APOB: variants seen among roughly 807,000 people sequenced by gnomAD.
APOB encodes apolipoprotein B, also known as apolipoprotein B-100.
APOB carries 153 observed loss-of-function variants against 314.1 expected under a neutral mutation model. The ratio of observed to expected loss-of-function variants is 0.49; its 90% CI spans 0.43 to 0.56. The LOEUF is 0.56. Among genes scored for constraint, APOB ranks in the 20% least tolerant of loss-of-function variants. The pLI is 0.00. For synonymous variants in APOB, 2,087 were observed against 2,036.4 expected (o/e 1.02, Z -0.67); for missense variants, 5,430 against 5,350.7 (o/e 1.01, Z -0.46).
rs774503429 is a variant in APOB at position 21,005,063 on chromosome 2, G to A, written c.11788+17C>T. 3.1e-6 allele frequency: 5 copies of A among 1,612,640 alleles called. No homozygotes were observed. In the Admixed American group the frequency reaches 8.3e-5, roughly 27 times the overall value. ...AAAATATACAGTATCTAGGAGAGGA[G>A]GCAGGATATTTCTTACCATTTAGTT... On this transcript the variant is annotated intron_variant, in intron 26 of 28. Coordinates refer to ENST00000233242, the MANE Select transcript of APOB (RefSeq NM_000384.3).
chr2:21,010,060 T>C lies in APOB; in HGVS notation c.6808A>G (p.Lys2270Glu), dbSNP rs1663264050. 1.1e-5 allele frequency: 17 copies of C among 1,613,604 alleles called. No individual in the cohort carries two copies. Among genetic ancestry groups the C allele is most frequent in the Non-Finnish European group, 1.4e-5 (17 of 1,179,898 alleles). Residue 2270 changes from lysine (K) to glutamate (E), a missense_variant, in exon 26 of 29, where the codon AAG (lysine) becomes GAG (glutamate). This residue lies in a region of APOB where 3,281 missense variants were observed against 3,171.0 expected (regional missense o/e 1.03). Coordinates refer to ENST00000233242, the MANE Select transcript of APOB (RefSeq NM_000384.3). Reference sequence around the variant, plus strand: ...ATGTCTATATTCTGTATGTGTCTCTTAAGCTGCTGCAGTTTTTCTTGTATC... The same window carrying C: ...ATGTCTATATTCTGTATGTGTCTCTCAAGCTGCTGCAGTTTTTCTTGTATC... ...IQIQEKLQQL[K>E]RHIQNIDIQH...
In APOB at chr2:21,022,891, G is replaced by T; in HGVS notation, c.2756C>A (p.Ala919Asp). The T allele has an allele frequency of 1.9e-6, 3 of 1,614,140 alleles. No homozygotes were observed. Among genetic ancestry groups the T allele is most frequent in the Non-Finnish European group, 2.5e-6 (3 of 1,180,026 alleles). Residue 919 changes from alanine (A) to aspartate (D), a missense_variant, in exon 18 of 29, where the codon GCT becomes GAT. Physicochemically the swap from Ala to Asp is moderately radical, Grantham distance 126 (BLOSUM62 -2). Transcript: ENST00000233242. ...AGGAATGATAAACTTCAGCTTCCCA[G>T]CTTTTAGGGCAACATGAGCCTCCAG... is the stretch of plus-strand genomic sequence containing the variant. ...SGLEAHVALK[A>D]GKLKFIIPSP...
In APOB at chr2:21,006,445, C is replaced by T. The variant is rs1442911116; in HGVS notation, c.10423G>A (p.Gly3475Arg). The T allele has an allele frequency of 6.2e-7, 1 of 1,614,084 alleles. No individual in the cohort carries two copies. The highest frequency in any genetic ancestry group is 8.5e-7 in the Non-Finnish European group (1 of 1,179,978). The change falls in exon 26 of 29, where the codon GGA (glycine) becomes AGA (arginine). Residue 3475 changes from glycine (G) to arginine (R), a missense_variant. Gly to Arg is a moderately radical substitution (Grantham distance 125). Transcript: ENST00000233242. ...AAGCTAAGCTTGTGGTCAACTGCTC[C>T]TTTAGCGGTAGAGTACAGCATTGAA... ...NSSMLYSTAKGAVDHKLSLES... is the reference protein window; with the variant it reads ...NSSMLYSTAKRAVDHKLSLES...
In APOB at chr2:21,038,015, G is replaced by T; in HGVS notation, c.480C>A (p.Ile160=). Residue 160 remains isoleucine, a synonymous_variant, in exon 5 of 29, where the codon ATC becomes ATA. Coordinates refer to ENST00000233242, the MANE Select transcript of APOB (RefSeq NM_000384.3). ...PTYILNIKRG[I]ISALLVPPET... is the part of the protein sequence containing the mutation. Reference sequence around the variant, plus strand: ...CTGGGGGAACCAGGAGGGCAGAAATGATGCCCCTCTTGATGTTCAGGATGT... The same window carrying T: ...CTGGGGGAACCAGGAGGGCAGAAATTATGCCCCTCTTGATGTTCAGGATGT... 1 of 1,614,184 alleles carries T rather than the reference G, an allele frequency of 6.2e-7. No individual in the cohort carries two copies. The highest frequency in any genetic ancestry group is 8.5e-7 in the Non-Finnish European group (1 of 1,180,008).
chr2:21,016,710 T>G, intron 20 of APOB, 61 bp from the exon 21 acceptor site: 4 of 1,150,464 alleles, frequency 3.5e-6, no homozygotes, highest in Admixed American at 1.7e-5. Flanking sequence ...TTGGGCCGGG[T>G]GCGGTGGCTC....
intron 16 of APOB, 150 bp downstream of exon 16, chr2:21,024,783 T>A (rs748099332): frequency 1.2e-6 from 1 of 806,218 alleles, no homozygotes; most frequent in Non-Finnish European, 2.2e-6. Context: ...AAGAGTCATC[T>A]TCAGTGAAAT....
At chr2:21,016,967 G>C (rs1023738546) in intron 20 of APOB, among the ~76,000 whole-genome samples, 1 of 147,788 alleles carries the variant, frequency 6.8e-6, no homozygotes, top group African/African-American at 2.5e-5. Context: ...CTGGGCAAAA[G>C]AGCGAGACTC....
At chr2:21,027,559 C>T (rs1033996432) in intron 14 of APOB, among the ~76,000 whole-genome samples, 3 of 152,050 alleles carry the variant, frequency 2.0e-5, no homozygotes, top group Non-Finnish European at 4.4e-5. Flanking sequence ...ATGATCCACC[C>T]GCCTCGGCCT....
At chr2:21,030,061 G>A in intron 10 of APOB, 46 bp from the exon 11 acceptor site, 2 of 1,281,850 alleles carry the variant, frequency 1.6e-6, no homozygotes, top group South Asian at 2.4e-5. Context: ...CCCCAGTTAG[G>A]TTTGTCTTAA....
Position 21,005,280 on chromosome 2 carries a change from T to C in APOB, c.11588A>G (p.Glu3863Gly), listed in dbSNP as rs2103350490. The change falls in exon 26 of 29, where the codon GAG becomes GGG. Residue 3863 changes from glutamate to glycine, a missense_variant. By Grantham distance (98) the Glu-to-Gly change is moderately conservative. Around this residue, in one of 3 missense-constraint regions of APOB, gnomAD observed 3,281 missense variants for 3,171.0 expected, o/e 1.03. Transcript: ENST00000233242. ...PTIIVPEQTIEIPSIKFSVPA... is the reference protein window; with the variant it reads ...PTIIVPEQTIGIPSIKFSVPA... ...TACAGAGAACTTAATGGAGGGAATC[T>C]CAATGGTCTGCTCAGGCACGATGAT... The C allele has an allele frequency of 6.2e-7, 1 of 1,614,086 alleles. No individual in the cohort carries two copies. The highest frequency in any genetic ancestry group is 8.5e-7 in the Non-Finnish European group (1 of 1,179,976).
At chr2:21,014,887 A>C (rs1178857298) in intron 23 of APOB, among the ~76,000 whole-genome samples, 186 bp downstream of exon 23, 2 of 152,222 alleles carry the variant, frequency 1.3e-5, no homozygotes, top group Non-Finnish European at 2.9e-5. Flanking sequence ...GATATGTATC[A>C]CATTCAGCTT....
chr2:21,013,933 CT>C (rs1663403524), intron 24 of APOB, among the ~76,000 whole-genome samples: 1 of 152,234 alleles, frequency 6.6e-6, no homozygotes, highest in Non-Finnish European at 1.5e-5. Flanking sequence ...TATCTTCTCA[CT>C]GTACCTAGTC....
intron 21 of APOB, among the ~76,000 whole-genome samples, 153 bp downstream of exon 21, chr2:21,016,286 C>CAA (rs1026076659): frequency 1.5e-5 from 2 of 133,418 alleles, no homozygotes; most frequent in African/African-American, 2.8e-5. Context: ...GACTCCATCT[C>CAA]AAAAAAAAAA....
In APOB at chr2:21,007,273, G is replaced by T; in HGVS notation, c.9595C>A (p.Gln3199Lys). ...TGCCTGTCAAAGGATTTGATGCTCT[G>T]ACTGATAAACTCACAAAGCACAGCC... The part of the protein sequence containing the change: ...PLAVLCEFIS[Q>K]SIKSFDRHFE... The change falls in exon 26 of 29, where the codon CAG becomes AAG. Residue 3199 changes from glutamine to lysine, a missense_variant. This residue lies in a region of APOB where 3,281 missense variants were observed against 3,171.0 expected (regional missense o/e 1.03). Coordinates refer to ENST00000233242, the MANE Select transcript of APOB (RefSeq NM_000384.3). 6.2e-7 allele frequency: 1 copy of T among 1,613,402 alleles called. No individual in the cohort carries two copies. Among genetic ancestry groups the T allele is most frequent in the Non-Finnish European group, 8.5e-7 (1 of 1,179,656 alleles).
rs770413220 is a variant in APOB at position 21,034,801 on chromosome 2, G to T, written c.904+15C>A. ...GAGTAGATTTTCCAGCAACTATGTG[G>T]ACAGAAACTCTTACCTTCACCAAAG... On this transcript the variant is annotated intron_variant, in intron 8 of 28. Transcript: ENST00000233242. The T allele has an allele frequency of 6.7e-7, 1 of 1,499,660 alleles. No homozygotes were observed. Among genetic ancestry groups the T allele is most frequent in the Non-Finnish European group, 9.3e-7 (1 of 1,075,584 alleles). 92.9% of individuals were successfully genotyped at this position (1,499,660 alleles called of 1,614,324 possible).
chr2:21,028,431 G>A lies in APOB; in HGVS notation c.1725C>T (p.Asn575=), dbSNP rs761063067. ...LMRSPSQADI[N]KIVQILPWEQ... ...CCCATGGTAGAATTTGGACAATTTT[G>A]TTAATATCTGCCTGTGAAGGACTCC... Residue 575 remains asparagine, a synonymous_variant, in exon 13 of 29, where the codon AAC becomes AAT. Transcript: ENST00000233242. 6.2e-7 allele frequency: 1 copy of A among 1,614,024 alleles called. No homozygotes were observed. Among genetic ancestry groups the A allele is most frequent in the South Asian group, 1.1e-5 (1 of 91,076 alleles).
rs1663312133 is a variant in APOB, at chr2:21,011,253, A to T, written c.5615T>A (p.Ile1872Asn). ...GTCAATGGCTGAAGCCAGCCCAGCG[A>T]TGTCTGTGTTGAGCCGATGGCTAAA... is the stretch of plus-strand genomic sequence containing the variant. Reference protein sequence around the residue: ...VEFSHRLNTDIAGLASAIDMS... With the variant: ...VEFSHRLNTDNAGLASAIDMS... The change falls in exon 26 of 29, where the codon ATC becomes AAC. Residue 1872 changes from isoleucine (I) to asparagine (N), a missense_variant. Physicochemically the swap from Ile to Asn is moderately radical, Grantham distance 149. Transcript: ENST00000233242. The T allele has an allele frequency of 6.2e-7, 1 of 1,614,096 alleles. No homozygotes were observed. The highest frequency in any genetic ancestry group is 1.3e-5 in the African/African-American group (1 of 74,946).
rs370564368 is a variant in APOB at position 21,003,561 on chromosome 2, G to A, written c.12088-227C>T. The stretch of plus-strand genomic sequence containing the variant: ...GCCCCAGAAAGGATTTAACAAAAAC[G>A]CTTGCTGTTTGTCATTTACATTGTG... On this transcript the variant is annotated intron_variant, in intron 28 of 28. Coordinates refer to ENST00000233242, the MANE Select transcript of APOB (RefSeq NM_000384.3). 9.1e-4 allele frequency among the ~76,000 whole-genome samples: 139 copies of A among 152,192 alleles called. No homozygotes were observed. The Middle Eastern group carries it at 0.027, about 30-fold the overall frequency.
chr2:21,027,946 G>A lies in APOB; in HGVS notation c.1949C>T (p.Pro650Leu). The change falls in exon 14 of 29, where the codon CCA (proline) becomes CTA (leucine). Residue 650 changes from proline (P) to leucine (L), a missense_variant. Physicochemically the swap from Pro to Leu is moderately conservative, Grantham distance 98. Transcript: ENST00000233242. ...YKSVSLPSLD[P>L]ASAKIEGNLI... ...ATTCCCTTCTATTTTGGCTGAGGCTGGGTCAAGTGATGGAAGAGAAACAGA... is the reference window on the plus strand; with the variant it reads ...ATTCCCTTCTATTTTGGCTGAGGCTAGGTCAAGTGATGGAAGAGAAACAGA... 2 of 1,613,934 alleles carry A rather than the reference G, an allele frequency of 1.2e-6. No homozygotes were observed. The highest frequency in any genetic ancestry group is 1.7e-6 in the Non-Finnish European group (2 of 1,179,802).
Sources: gnomAD v4.1 joint callset for allele counts (sites outside exome capture counted in the v4.1 genomes callset) on GRCh38, gnomAD v4.1.1 for gene constraint, gnomAD v4.1.1 regional missense constraint, MANE v1.5 for transcripts, NCBI Gene and HGNC (gene_info 2026-07-23, HGNC 2026-07-21) for gene names.